TMEFF2: variants seen among roughly 807,000 people sequenced by gnomAD.
TMEFF2 encodes the protein transmembrane protein with EGF like and two follistatin like domains 2.
A neutral mutation model predicts 53.8 loss-of-function variants in TMEFF2; 28 were observed. The ratio of observed to expected loss-of-function variants is 0.52; its 90% CI spans 0.39 to 0.71. The LOEUF is 0.71. TMEFF2 is among the 30% of genes least tolerant of loss of function. The pLI, the probability that TMEFF2 is intolerant of heterozygous loss-of-function variation, is 0.00. For synonymous variants in TMEFF2, 162 were observed against 166.3 expected, an observed-to-expected ratio of 0.97 and a Z score of 0.20; for missense variants, 353 against 455.2, an observed-to-expected ratio of 0.78 and a Z score of 2.04.
At chr2:191,956,727 T>C (rs1026946412) in intron 7 of TMEFF2, among the ~76,000 whole-genome samples, 1 of 152,120 alleles carries the variant, frequency 6.6e-6, no homozygotes, top group Non-Finnish European at 1.5e-5. Context: ...ATTTTTTAAA[T>C]TTCAAAGCCC....
chr2:192,177,297 T>C (rs571621552), intron 4 of TMEFF2: 1 of 151,200 alleles, frequency 6.6e-6, no homozygotes, highest in East Asian at 1.9e-4. Context: ...AAATATATCT[T>C]ACGATTACAA....
At chr2:192,128,960 G>T (rs557897641) in intron 4 of TMEFF2, among the ~76,000 whole-genome samples, 37 of 152,316 alleles carry the variant, frequency 2.4e-4, no homozygotes, top group African/African-American at 8.9e-4. Flanking sequence ...TGTTACTTGT[G>T]CATCTGATGT....
At chr2:191,986,972 A>C (rs1250342635) in intron 7 of TMEFF2, among the ~76,000 whole-genome samples, 1 of 151,958 alleles carries the variant, frequency 6.6e-6, no homozygotes, top group East Asian at 1.9e-4. Flanking sequence ...TTCAAGAATG[A>C]TTAGGCAGGC....
chr2:192,133,852 A>G (rs1189120369), intron 4 of TMEFF2, among the ~76,000 whole-genome samples: 1 of 152,182 alleles, frequency 6.6e-6, no homozygotes, highest in African/African-American at 2.4e-5. Context: ...ATCTCGGCAT[A>G]ATTCTCGTAA....
At chr2:192,010,099 A>G (rs12612937) in intron 5 of TMEFF2, among the ~76,000 whole-genome samples, 66,941 of 152,038 alleles carry the variant, frequency 0.44, 17,143 homozygotes, top group South Asian at 0.59. Flanking sequence ...TTGTGTCTGT[A>G]TAAAAGCGAC....
chr2:191,953,990 C>G (rs1691981032), intron 8 of TMEFF2, among the ~76,000 whole-genome samples, 153 bp from the exon 9 acceptor site: 1 of 150,068 alleles, frequency 6.7e-6, no homozygotes, highest in Non-Finnish European at 1.5e-5. Context: ...CGGGTTCACG[C>G]CATTCTCCTG....
intron 4 of TMEFF2, among the ~76,000 whole-genome samples, chr2:192,121,117 C>G (rs1689542098): frequency 6.6e-6 from 1 of 151,188 alleles, no homozygotes; most frequent in African/African-American, 2.4e-5. Flanking sequence ...CAAAAGAAAA[C>G]AAAAAAAACA....
intron 5 of TMEFF2, chr2:192,037,269 AAAATAAAGAAAGAAAGAAAG>A (rs1175527732): frequency 1.1e-4 from 8 of 72,538 alleles, no homozygotes; most frequent in African/African-American, 4.1e-4. Flanking sequence ...AAGACTAGCC[AAAATAAAGAAAGAAAGAAAG>A]AAAGAAAGAA....
intron 2 of TMEFF2, among the ~76,000 whole-genome samples, chr2:192,185,126 C>T (rs1202100684): frequency 1.3e-5 from 2 of 151,836 alleles, no homozygotes; most frequent in Admixed American, 1.3e-4. Context: ...AACTACTGAA[C>T]TATAAGTAAA....
At chr2:191,956,428 A>G (rs1692097790) in intron 7 of TMEFF2, 50 bp from the exon 8 acceptor site, 2 of 1,582,442 alleles carry the variant, frequency 1.3e-6, no homozygotes, top group African/African-American at 1.4e-5. Flanking sequence ...TTAGCCTGGT[A>G]AGATCAACCA....
chr2:192,089,356 C>T (rs1027971290), intron 4 of TMEFF2, among the ~76,000 whole-genome samples: 2 of 151,914 alleles, frequency 1.3e-5, no homozygotes, highest in Middle Eastern at 3.2e-3. Flanking sequence ...TTTTTCCCCC[C>T]AAAGGTTTGG....
At chr2:192,121,664 C>A (rs1399755665) in intron 4 of TMEFF2, among the ~76,000 whole-genome samples, 1 of 152,094 alleles carries the variant, frequency 6.6e-6, no homozygotes, top group Non-Finnish European at 1.5e-5. Context: ...TAGGATCACA[C>A]CTGAATAGCA....
intron 4 of TMEFF2, among the ~76,000 whole-genome samples, chr2:192,082,089 C>T (rs967570426): frequency 3.3e-5 from 5 of 152,142 alleles, no homozygotes; most frequent in Admixed American, 6.5e-5. Flanking sequence ...CGTGAGCCAC[C>T]GTGCCCGGCC....
intron 4 of TMEFF2, among the ~76,000 whole-genome samples, chr2:192,080,830 G>A (rs1166745237): frequency 6.6e-6 from 1 of 151,504 alleles, no homozygotes; most frequent in Non-Finnish European, 1.5e-5. Context: ...TTCTCATTAT[G>A]TATAATGCTT....
rs142279876 is a variant in TMEFF2, at chr2:191,954,457, T to C, written c.870-620A>G. ...TGTCCAGGAATGACTGTTATTTCTA[T>C]ATTTTCTGGAAGGTGAGCTTTACAT... On this transcript the variant is annotated intron_variant, in intron 8 of 9. Coordinates refer to ENST00000272771, the MANE Select transcript of TMEFF2 (RefSeq NM_016192.4). Among the ~76,000 whole-genome samples the C allele has an allele frequency of 2.8e-4, 42 of 152,358 alleles. No homozygotes were observed. In the East Asian group the frequency reaches 7.9e-3, roughly 29 times the overall value.
chr2:192,157,996 C>T (rs12475736), intron 4 of TMEFF2, among the ~76,000 whole-genome samples: 44,741 of 151,794 alleles, frequency 0.29, 7,581 homozygotes, highest in Non-Finnish European at 0.37. Flanking sequence ...TTTAGTCTAC[C>T]AGTGGTACAA....
chr2:192,084,921 A>G (rs1688634088), intron 4 of TMEFF2, among the ~76,000 whole-genome samples: 1 of 152,194 alleles, frequency 6.6e-6, no homozygotes, highest in African/African-American at 2.4e-5. Flanking sequence ...TTAAAAATGC[A>G]ATTGTAGCTG....
At chr2:192,033,850 T>C (rs1007825911) in intron 5 of TMEFF2, among the ~76,000 whole-genome samples, 2 of 152,176 alleles carry the variant, frequency 1.3e-5, no homozygotes, top group Non-Finnish European at 2.9e-5. Flanking sequence ...TTTTACTAAC[T>C]AAAGAGGTTT....
rs1304131184 is a variant in TMEFF2 at position 192,194,195 on chromosome 2, G to C, written c.172+158C>G. 6.6e-6 allele frequency among the ~76,000 whole-genome samples: 1 copy of C among 152,114 alleles called. No individual in the cohort carries two copies. The highest frequency in any genetic ancestry group is 1.5e-5 in the Non-Finnish European group (1 of 68,024). On this transcript the variant is annotated intron_variant, in intron 1 of 9. Transcript: ENST00000272771. This position sits in a 1 kb window ranked among gnomAD's most constrained non-coding sequence, Gnocchi z 4.2. ...ACCCCTCACCCCCGGGCCTGCAACA[G>C]TTCCCCTTGTTTCTCTGGATAGAGG...
Sources: allele counts gnomAD v4.1 joint callset (sites outside exome capture counted in the v4.1 genomes callset), GRCh38; gene constraint gnomAD v4.1.1; non-coding constraint Gnocchi (gnomAD v3.1); transcripts MANE v1.5; gene names NCBI Gene and HGNC (gene_info 2026-07-23, HGNC 2026-07-21).